The following DDR1 variants were observed in gnomAD, a reference collection of about 807,000 sequenced individuals.
The protein encoded by DDR1 is discoidin domain receptor tyrosine kinase 1, also known as epithelial discoidin domain-containing receptor 1.
In DDR1, 64 loss-of-function variants were observed where a neutral mutation model predicts 97.4. The ratio of observed to expected loss-of-function variants is 0.66; its 90% CI spans 0.54 to 0.81. DDR1 has a LOEUF of 0.81. Ranked by LOEUF, DDR1 falls within the 30% of genes least tolerant of loss-of-function variation. DDR1 has a pLI of 0.00. For synonymous variants in DDR1, 458 were observed against 503.7 expected, an observed-to-expected ratio of 0.91 and a Z score of 1.21; for missense variants, 990 against 1,259.6, an observed-to-expected ratio of 0.79 and a Z score of 3.24.
intron 1 of DDR1, chr6:30,885,346 G>A (rs1785406229): frequency 7.6e-7 from 1 of 1,312,486 alleles, no homozygotes; most frequent in African/African-American, 1.5e-5. Context: ...TGTTGCTGAG[G>A]GCCTGTAGGT....
At chr6:30,885,259 C>T (rs912161343) in intron 1 of DDR1, 1 of 1,531,942 alleles carries the variant, frequency 6.5e-7, no homozygotes, top group East Asian at 2.5e-5. Flanking sequence ...GGTCCCACCC[C>T]CCCATGCCTG....
At position 30,889,054 on chromosome 6, in the gene DDR1, C is replaced by T. The variant is rs1158717076; in HGVS notation, c.188+44C>T. On this transcript the variant is annotated intron_variant, in intron 3 of 17. Transcript: ENST00000376568. This position sits in a 1 kb window ranked among gnomAD's most constrained non-coding sequence, Gnocchi z 4.9. ...ACACTTGTAGCTGCCCCGAGAGGAG[C>T]TCCTGGGACCTCTACTTCCCCTCCA... The T allele has an allele frequency of 1.9e-6, 3 of 1,600,998 alleles. No homozygotes were observed. The highest frequency in any genetic ancestry group is 1.1e-5 in the South Asian group (1 of 90,696).
Position 30,888,443 on chromosome 6 carries a change from A to G in DDR1, c.-42-245A>G, listed in dbSNP as rs1288208570. 2 of 504,642 alleles carry G rather than the reference A, an allele frequency of 4.0e-6. No individual in the cohort carries two copies. Among genetic ancestry groups the G allele is most frequent in the Non-Finnish European group, 3.5e-6 (1 of 287,970 alleles). The allele number at this position is 504,642 out of a possible 1,614,324, so 31.3% of individuals were successfully genotyped here. ...GCCCTAGTTTCTTCATGTGTTAAAT[A>G]TGGATAGTAATAGTATCTACCTTAT... is the stretch of plus-strand genomic sequence containing the variant. On this transcript the variant is annotated intron_variant, in intron 1 of 17. Transcript: ENST00000376568. This position sits in a 1 kb window ranked among gnomAD's most constrained non-coding sequence, Gnocchi z 4.2.
At chr6:30,892,845 C>A in intron 8 of DDR1, 1 of 591,910 alleles carries the variant, frequency 1.7e-6, no homozygotes, top group Non-Finnish European at 2.9e-6. Context: ...TCTAAGCCTC[C>A]AGATACCTGT....
chr6:30,899,045 T>A lies in DDR1; in HGVS notation c.2601+8T>A, dbSNP rs1038167587. On this transcript the variant is annotated splice_region_variant and intron_variant, in intron 17 of 17. Coordinates refer to ENST00000376568, the MANE Select transcript of DDR1 (RefSeq NM_001297654.2). ...CGGGACCAGGGCCGGCAGGTCAGAGTGGAGGAGAGGGAAGATGGGTCCGAG... is the reference window on the plus strand; with the variant it reads ...CGGGACCAGGGCCGGCAGGTCAGAGAGGAGGAGAGGGAAGATGGGTCCGAG... The A allele has an allele frequency of 1.9e-6, 3 of 1,612,412 alleles. No individual in the cohort carries two copies. Among genetic ancestry groups the A allele is most frequent in the Non-Finnish European group, 2.5e-6 (3 of 1,179,512 alleles).
Position 30,897,736 on chromosome 6 carries a change from A to C in DDR1, c.2216+139A>C. The C allele has an allele frequency of 1.4e-6, 1 of 707,246 alleles. No homozygotes were observed. 43.8% of individuals were successfully genotyped at this position (707,246 alleles called of 1,614,324 possible). On this transcript the variant is annotated intron_variant, in intron 15 of 17. Transcript: ENST00000376568. The surrounding 1 kb of genome is among the most constrained non-coding windows in gnomAD (Gnocchi z 5.2). ...GGTTCCAGGAGGGCCTGGGATAAGG[A>C]ATGTGTGACAAGTTAACCCAGGAAC...
At position 30,894,131 on chromosome 6, in the gene DDR1, C is replaced by G. The variant is rs1486948565; in HGVS notation, c.1348-375C>G. On this transcript the variant is annotated intron_variant, in intron 10 of 17. Coordinates refer to ENST00000376568, the MANE Select transcript of DDR1 (RefSeq NM_001297654.2). This position sits in a 1 kb window ranked among gnomAD's most constrained non-coding sequence, Gnocchi z 5.7. ...AGGCATGGTGGCTGATGCCTGTAATCCCAGCTACTCAGGAGGCTGAGGCAT... is the reference window on the plus strand; with the variant it reads ...AGGCATGGTGGCTGATGCCTGTAATGCCAGCTACTCAGGAGGCTGAGGCAT... Among the ~76,000 whole-genome samples the G allele has an allele frequency of 6.6e-6, 1 of 150,982 alleles. No individual in the cohort carries two copies. Among genetic ancestry groups the G allele is most frequent in the Non-Finnish European group, 1.5e-5 (1 of 67,608 alleles).
Position 30,891,079 on chromosome 6 carries a change from G to A in DDR1, c.524G>A (p.Ser175Asn), listed in dbSNP as rs765835603. The A allele has an allele frequency of 1.9e-6, 3 of 1,612,944 alleles. No individual in the cohort carries two copies. The African/African-American group carries it at 4.0e-5, about 22-fold the overall frequency. Reference sequence around the variant, plus strand: ...TACCCCCGGGCTGACCGGGTCATGAGCGTCTGTCTGCGGGTAGAGCTCTAT... The same window carrying A: ...TACCCCCGGGCTGACCGGGTCATGAACGTCTGTCTGCGGGTAGAGCTCTAT... Reference protein sequence around the residue: ...RFYPRADRVMSVCLRVELYGC... With the variant: ...RFYPRADRVMNVCLRVELYGC... The change falls in exon 5 of 18, where the codon AGC becomes AAC. Residue 175 changes from serine to asparagine, a missense_variant. By Grantham distance (46) the Ser-to-Asn change is conservative (BLOSUM62 1). Transcript: ENST00000376568. This position sits in a 1 kb window ranked among gnomAD's most constrained non-coding sequence, Gnocchi z 5.3.
chr6:30,897,934 G>A lies in DDR1; in HGVS notation c.2217-139G>A. On this transcript the variant is annotated intron_variant, in intron 15 of 17. Coordinates refer to ENST00000376568, the MANE Select transcript of DDR1 (RefSeq NM_001297654.2). This position sits in a 1 kb window ranked among gnomAD's most constrained non-coding sequence, Gnocchi z 5.2. Reference sequence around the variant, plus strand: ...AGGCCTGGGAGATTGAGAGGGAAGTGACCCTTGGCCTCACGTGGGCATTCC... The same window carrying A: ...AGGCCTGGGAGATTGAGAGGGAAGTAACCCTTGGCCTCACGTGGGCATTCC... 1 of 660,714 alleles carries A rather than the reference G, an allele frequency of 1.5e-6. No homozygotes were observed. Among genetic ancestry groups the A allele is most frequent in the South Asian group, 1.8e-5 (1 of 54,712 alleles). The allele number at this position is 660,714 out of a possible 1,614,324, so 40.9% of individuals were successfully genotyped here.
chr6:30,883,187 C>G (rs921205248), upstream of DDR1: 1 of 152,336 alleles, frequency 6.6e-6, no homozygotes. This position sits in a 1 kb window ranked among gnomAD's most constrained non-coding sequence, Gnocchi z 4.9. Flanking sequence ...GTGTACTTGT[C>G]TGGTTGGGAC....
chr6:30,891,565 G>GTA lies in DDR1; in HGVS notation c.665+87_665+88insAT. ...TGTGTGTGTGTGTGTGTGAGAGTGT[G>GTA]TGTGTGTAGGGGGGCTGGTAAGTAG... On this transcript the variant is annotated intron_variant, in intron 6 of 17. Coordinates refer to ENST00000376568, the MANE Select transcript of DDR1 (RefSeq NM_001297654.2). The surrounding 1 kb of genome is among the most constrained non-coding windows in gnomAD (Gnocchi z 5.3). The GTA allele has an allele frequency of 1.1e-6, 1 of 942,462 alleles. No individual in the cohort carries two copies. The highest frequency in any genetic ancestry group is 1.6e-6 in the Non-Finnish European group (1 of 612,266). 58.4% of individuals were successfully genotyped at this position (942,462 alleles called of 1,614,324 possible). A position where few individuals can be genotyped will look rare whatever the true frequency, so the allele number is the denominator to read the frequency against.
chr6:30,898,085 G>C lies in DDR1; in HGVS notation c.2229G>C (p.Leu743=). The stretch of plus-strand genomic sequence containing the variant: ...GTTCCCTTCTCAGCTACCCAATGCT[G>C]CTGCATGTGGCAGCCCAGATCGCCT... ...AQGPTISYPM[L]LHVAAQIASG... is the part of the protein sequence containing the mutation. Residue 743 remains leucine, a synonymous_variant, in exon 16 of 18, where the codon CTG becomes CTC. Transcript: ENST00000376568. 1 of 1,614,020 alleles carries C rather than the reference G, an allele frequency of 6.2e-7. No homozygotes were observed. The highest frequency in any genetic ancestry group is 2.2e-5 in the East Asian group (1 of 44,890).
intron 8 of DDR1, 193 bp downstream of exon 8, chr6:30,892,735 T>A (rs1049404112): frequency 1.4e-6 from 1 of 692,242 alleles, no homozygotes; most frequent in Non-Finnish European, 2.3e-6. Context: ...CCATCTTTCC[T>A]TTGTAAGCCC....
chr6:30,899,056 G>A lies in DDR1; in HGVS notation c.2601+19G>A. 1 of 1,614,136 alleles carries A rather than the reference G, an allele frequency of 6.2e-7. No homozygotes were observed. Among genetic ancestry groups the A allele is most frequent in the Non-Finnish European group, 8.5e-7 (1 of 1,180,010 alleles). ...CCGGCAGGTCAGAGTGGAGGAGAGG[G>A]AAGATGGGTCCGAGGCGGGGGACAG... is the stretch of plus-strand genomic sequence containing the variant. On this transcript the variant is annotated intron_variant, in intron 17 of 17. Transcript: ENST00000376568.
At position 30,899,237 on chromosome 6, in the gene DDR1, C is replaced by T. The variant is rs1407513054; in HGVS notation, c.2683C>T (p.Arg895Ter). 7 of 1,614,158 alleles carry T rather than the reference C, an allele frequency of 4.3e-6. No homozygotes were observed. The highest frequency in any genetic ancestry group is 2.2e-5 in the East Asian group (1 of 44,876). ...GTGCTGGAGCCGGGAGTCTGAGCAG[C>T]GACCACCCTTTTCCCAGCTGCATCG... Reference protein sequence around the residue: ...LRCWSRESEQRPPFSQLHRFL... With the variant: ...LRCWSRESEQ Residue 895 changes from arginine (R) to a stop codon, truncating the protein, a stop_gained, in exon 18 of 18, where the codon CGA (arginine) becomes TGA (stop). Transcript: ENST00000376568. LOFTEE classifies it high-confidence loss of function.
chr6:30,891,553 G>GTGTGTGTT lies in DDR1; in HGVS notation c.665+78_665+79insTGTTTGTG. ...TGTGTGTGTGTGTGTGTGTGTGTGT[G>GTGTGTGTT]TGTGAGAGTGTGTGTGTGTAGGGGG... is the stretch of plus-strand genomic sequence containing the variant. On this transcript the variant is annotated intron_variant, in intron 6 of 17. Transcript: ENST00000376568. This position sits in a 1 kb window ranked among gnomAD's most constrained non-coding sequence, Gnocchi z 5.3. 1 of 955,616 alleles carries GTGTGTGTT rather than the reference G, an allele frequency of 1.0e-6. No individual in the cohort carries two copies. The highest frequency in any genetic ancestry group is 1.5e-5 in the South Asian group (1 of 65,950). The allele number at this position is 955,616 out of a possible 1,614,324, so 59.2% of individuals were successfully genotyped here. A position where few individuals can be genotyped will look rare whatever the true frequency, so the allele number is the denominator to read the frequency against.
chr6:30,885,765 T>G (rs1395106035), intron 1 of DDR1: 1 of 1,292,440 alleles, frequency 7.7e-7, no homozygotes, highest in Non-Finnish European at 1.0e-6. Flanking sequence ...CACTGAGAGG[T>G]GGGTGTGTGC....
chr6:30,895,576 GC>G, intron 12 of DDR1, 62 bp downstream of exon 12: 1 of 1,075,826 alleles, frequency 9.3e-7, no homozygotes, highest in Non-Finnish European at 1.3e-6. Context: ...GCAGGGAAAA[GC>G]CCTCACACCT....
Position 30,892,318 on chromosome 6 carries a change from C to T in DDR1, c.875C>T (p.Thr292Met), listed in dbSNP as rs376283924. 5.1e-6 allele frequency: 8 copies of T among 1,573,332 alleles called. No homozygotes were observed. The highest frequency in any genetic ancestry group is 3.5e-5 in the South Asian group (3 of 85,410). ...CAGGTCCACTGTAACAACATGCACA[C>T]GCTGGGAGCCCGTCTGCCTGGCGGG... Reference protein sequence around the residue: ...AMQVHCNNMHTLGARLPGGVE... With the variant: ...AMQVHCNNMHMLGARLPGGVE... The change falls in exon 8 of 18, where the codon ACG becomes ATG. Residue 292 changes from threonine to methionine, a missense_variant. By Grantham distance (81) the Thr-to-Met change is moderately conservative. Coordinates refer to ENST00000376568, the MANE Select transcript of DDR1 (RefSeq NM_001297654.2).
Sources: allele counts gnomAD v4.1 joint callset (sites outside exome capture counted in the v4.1 genomes callset), GRCh38; gene constraint gnomAD v4.1.1; non-coding constraint Gnocchi (gnomAD v3.1); transcripts MANE v1.5; gene names NCBI Gene and HGNC (gene_info 2026-07-23, HGNC 2026-07-21).